TMEM43: variants seen among roughly 807,000 people sequenced by gnomAD.
The protein encoded by TMEM43 is transmembrane protein 43, also known as arrhythmogenic right ventricular dysplasia 5.
A neutral mutation model predicts 49.6 loss-of-function variants in TMEM43; 45 were observed. The ratio of observed to expected loss-of-function variants is 0.91; its 90% CI spans 0.71 to 1.16. The LOEUF (loss-of-function observed/expected upper bound fraction) is 1.16, where lower values mean the gene tolerates loss of function less well. Ranked by LOEUF, TMEM43 falls within the 50% of genes most tolerant of loss-of-function variation. The pLI, the probability that TMEM43 is intolerant of heterozygous loss-of-function variation, is 0.00. For synonymous variants in TMEM43, 199 were observed against 207.8 expected, an observed-to-expected ratio of 0.96 and a Z score of 0.36; for missense variants, 532 against 516.6, an observed-to-expected ratio of 1.03 and a Z score of -0.29.
In TMEM43 at chr3:14,139,277, C is replaced by G. The variant is rs368111230; in HGVS notation, c.980C>G (p.Thr327Arg). ...MAMFMGLNLM[T>R]RILYTLVDWF... is the part of the protein sequence containing the mutation. The stretch of plus-strand genomic sequence containing the variant: ...ATGTTCATGGGCCTCAACCTTATGA[C>G]ACGGATCCTCTACACCTTGGGTAGG... The change falls in exon 11 of 12, where the codon ACA becomes AGA. Residue 327 changes from threonine to arginine, a missense_variant. Coordinates refer to ENST00000306077, the MANE Select transcript of TMEM43 (RefSeq NM_024334.3). 44 of 1,613,904 alleles carry G rather than the reference C, an allele frequency of 2.7e-5. No individual in the cohort carries two copies. The highest frequency in any genetic ancestry group is 3.6e-5 in the Non-Finnish European group (42 of 1,179,872).
Position 14,140,221 on chromosome 3 carries a change from A to T in TMEM43, c.1000+924A>T, listed in dbSNP as rs1029241560. Among the ~76,000 whole-genome samples the T allele has an allele frequency of 3.2e-4, 48 of 152,166 alleles. 1 individual carries two copies. On this transcript the variant is annotated intron_variant, in intron 11 of 11. Transcript: ENST00000306077. ...TGAATTGTGCTCAGAAAGACCAGTG[A>T]CGTGGTGGGCACATTAGCGAGAGAT...
chr3:14,133,943 G>C, intron 7 of TMEM43, 134 bp downstream of exon 7: 2 of 866,482 alleles, frequency 2.3e-6, no homozygotes, highest in South Asian at 2.7e-5. Flanking sequence ...ACCATGCTTT[G>C]GGGGCCAGGG....
intron 6 of TMEM43, 35 bp downstream of exon 6, chr3:14,132,970 G>A (rs1695118021): frequency 1.3e-6 from 2 of 1,525,846 alleles, no homozygotes; most frequent in Non-Finnish European, 9.1e-7. Flanking sequence ...GTGCAGCTTT[G>A]TCTACACTGG....
intron 11 of TMEM43, among the ~76,000 whole-genome samples, chr3:14,141,135 A>G (rs1323634354): frequency 2.0e-5 from 3 of 152,234 alleles, no homozygotes; most frequent in Admixed American, 6.5e-5. Context: ...TGCTGGGCAC[A>G]TAAATCATTA....
rs1695259575 is a variant in TMEM43, at chr3:14,142,210, G to C, written c.*415G>C. The C allele has an allele frequency of 4.2e-6, 1 of 240,078 alleles. No individual in the cohort carries two copies. The highest frequency in any genetic ancestry group is 5.1e-5 in the Admixed American group (1 of 19,578). 14.9% of individuals were successfully genotyped at this position (240,078 alleles called of 1,614,324 possible). A position where few individuals can be genotyped will look rare whatever the true frequency, so the allele number is the denominator to read the frequency against. On this transcript the variant is annotated 3_prime_UTR_variant, in exon 12 of 12. Transcript: ENST00000306077. ...TCACTGCACACAAGTGCCATGCTTTGCCACCACCACCAAGCACATCTGTGA... is the reference window on the plus strand; with the variant it reads ...TCACTGCACACAAGTGCCATGCTTTCCCACCACCACCAAGCACATCTGTGA...
intron 10 of TMEM43, among the ~76,000 whole-genome samples, chr3:14,138,813 C>CT (rs1408863982): frequency 6.6e-6 from 1 of 152,192 alleles, no homozygotes; most frequent in African/African-American, 2.4e-5. Context: ...TGGAGAGGTT[C>CT]TGAGATTAAA....
Position 14,129,470 on chromosome 3 carries a change from G to C in TMEM43, c.71G>C (p.Gly24Ala). Residue 24 changes from glycine to alanine, a missense_variant, in exon 2 of 12, where the codon GGC becomes GCC. By Grantham distance (60) the Gly-to-Ala change is moderately conservative. Coordinates refer to ENST00000306077, the MANE Select transcript of TMEM43 (RefSeq NM_024334.3). ...HVKVKTSSQP[G>A]FLERLSETSG... Reference sequence around the variant, plus strand: ...AAAGTTAAAACCAGCTCCCAGCCAGGCTTCCTGGAACGGCTGAGCGAGACC... The same window carrying C: ...AAAGTTAAAACCAGCTCCCAGCCAGCCTTCCTGGAACGGCTGAGCGAGACC... The C allele has an allele frequency of 6.2e-7, 1 of 1,614,046 alleles. No homozygotes were observed. The highest frequency in any genetic ancestry group is 8.5e-7 in the Non-Finnish European group (1 of 1,179,988).
chr3:14,131,434 C>T (rs186488436), intron 3 of TMEM43, 146 bp from the exon 4 acceptor site: 17 of 722,678 alleles, frequency 2.4e-5, no homozygotes, highest in Admixed American at 6.3e-5. Flanking sequence ...GTCCTCGATT[C>T]TCCCCTGCAA....
rs1695065995 is a variant in TMEM43 at position 14,129,573 on chromosome 3, G to A, written c.162+12G>A. 1 of 1,613,860 alleles carries A rather than the reference G, an allele frequency of 6.2e-7. No individual in the cohort carries two copies. ...TTTTCACCAATGAGGTAAAATGTCT[G>A]GGGTCTTCCTGTGCAGAGTGAGAGT... On this transcript the variant is annotated intron_variant, in intron 2 of 11. Transcript: ENST00000306077.
chr3:14,126,771 G>T (rs906034258), intron 1 of TMEM43, among the ~76,000 whole-genome samples: 52 of 152,252 alleles, frequency 3.4e-4, no homozygotes, highest in African/African-American at 1.2e-3. Context: ...AGCATTTTTT[G>T]ATTCATCCAG....
chr3:14,129,767 C>A (rs1002493563), intron 2 of TMEM43, among the ~76,000 whole-genome samples: 4 of 152,216 alleles, frequency 2.6e-5, no homozygotes, highest in African/African-American at 9.7e-5. Flanking sequence ...AGTTCACACA[C>A]CTGAATATCC....
At chr3:14,140,543 T>C (rs1695233548) in intron 11 of TMEM43, among the ~76,000 whole-genome samples, 1 of 152,148 alleles carries the variant, frequency 6.6e-6, no homozygotes, top group South Asian at 2.1e-4. Flanking sequence ...AGACAAGACT[T>C]AGAGCAACAG....
chr3:14,131,592 C>G lies in TMEM43; in HGVS notation c.310C>G (p.Pro104Ala), dbSNP rs775872602. The change falls in exon 4 of 12, where the codon CCA becomes GCA. Residue 104 changes from proline to alanine, a missense_variant. Transcript: ENST00000306077. ...ALRTSKLLSD[P>A]NYGVHLPAVK... ...ATTCTGTTTGAAGCTTTTGTCTGAT[C>G]CAAACTATGGGGTCCATCTTCCGGC... is the stretch of plus-strand genomic sequence containing the variant. The G allele has an allele frequency of 6.2e-6, 10 of 1,614,104 alleles. No homozygotes were observed. The Admixed American group carries it at 1.7e-4, about 27-fold the overall frequency.
chr3:14,136,070 A>AG, intron 10 of TMEM43, 162 bp downstream of exon 10: 1 of 745,592 alleles, frequency 1.3e-6, no homozygotes, highest in Admixed American at 2.0e-5. Flanking sequence ...GTGTTTGACC[A>AG]GGAGTGTTTC....
intron 4 of TMEM43, among the ~76,000 whole-genome samples, chr3:14,132,263 T>C (rs561424640): frequency 2.0e-5 from 3 of 152,286 alleles, no homozygotes; most frequent in East Asian, 3.9e-4. Flanking sequence ...GCCAGATCTC[T>C]GAGCCCAAAG....
rs1298803165 is a variant in TMEM43, at chr3:14,143,597, A to G, written c.*1802A>G. On this transcript the variant is annotated 3_prime_UTR_variant, in exon 12 of 12. Coordinates refer to ENST00000306077, the MANE Select transcript of TMEM43 (RefSeq NM_024334.3). ...TCTTAAAACGAAAGATAATGTTAAG[A>G]AAAATTTGAAAGCTTTGGAAAACCA... 6.6e-6 allele frequency: 1 copy of G among 152,270 alleles called. No individual in the cohort carries two copies. The highest frequency in any genetic ancestry group is 1.5e-5 in the Non-Finnish European group (1 of 68,050). The allele number at this position is 152,270 out of a possible 1,614,324, so 9.4% of individuals were successfully genotyped here.
intron 1 of TMEM43, among the ~76,000 whole-genome samples, chr3:14,127,723 C>T (rs897199277): frequency 6.6e-6 from 1 of 152,170 alleles, no homozygotes; most frequent in Non-Finnish European, 1.5e-5. Flanking sequence ...GTGATTCACT[C>T]ACCTAATGTT....
At position 14,142,228 on chromosome 3, in the gene TMEM43, A is replaced by T. The variant is rs146632885; in HGVS notation, c.*433A>T. 125 of 226,642 alleles carry T rather than the reference A, an allele frequency of 5.5e-4. 1 individual carries two copies. In the East Asian group the frequency reaches 0.011, roughly 20 times the overall value. The allele number at this position is 226,642 out of a possible 1,614,324, so 14.0% of individuals were successfully genotyped here. On this transcript the variant is annotated 3_prime_UTR_variant, in exon 12 of 12. Coordinates refer to ENST00000306077, the MANE Select transcript of TMEM43 (RefSeq NM_024334.3). ...ATGCTTTGCCACCACCACCAAGCAC[A>T]TCTGTGATCCTGAAGGGCGGCCGTT...
intron 8 of TMEM43, 34 bp downstream of exon 8, chr3:14,134,925 G>C (rs777949977): frequency 1.2e-6 from 2 of 1,613,586 alleles, no homozygotes; most frequent in African/African-American, 1.3e-5. Flanking sequence ...CCAAATAGGA[G>C]GGTCAGGGCG....
Sources: gnomAD v4.1 joint callset for allele counts (sites outside exome capture counted in the v4.1 genomes callset) on GRCh38, gnomAD v4.1.1 for gene constraint, MANE v1.5 for transcripts, NCBI Gene and HGNC (gene_info 2026-07-23, HGNC 2026-07-21) for gene names.